The following RASA1 variants were observed in gnomAD, a reference collection of about 807,000 sequenced individuals.
The protein encoded by RASA1 is ras GTPase-activating protein 1.
A neutral mutation model predicts 132.2 loss-of-function variants in RASA1; 25 were observed. That is an observed-to-expected ratio of 0.19 (90% confidence interval 0.14 to 0.26). The LOEUF (loss-of-function observed/expected upper bound fraction) is 0.26. Ranked by LOEUF, RASA1 falls within the 10% of genes least tolerant of loss-of-function variation. The pLI is 1.00. For synonymous variants in RASA1, 477 were observed against 449.9 expected (o/e 1.06, Z -0.76); for missense variants, 964 against 1,299.2 (o/e 0.74, Z 3.97).
chr5:87,328,008 TAAAAA>T (rs1330676472), intron 1 of RASA1, among the ~76,000 whole-genome samples: 2 of 152,224 alleles, frequency 1.3e-5, no homozygotes, highest in African/African-American at 4.8e-5. Context: ...ATGTGGACGT[TAAAAA>T]AGAAAAGTTT....
At chr5:87,325,021 G>A (rs975374935) in intron 1 of RASA1, among the ~76,000 whole-genome samples, 1 of 151,882 alleles carries the variant, frequency 6.6e-6, no homozygotes, top group Non-Finnish European at 1.5e-5. Context: ...AGACAAACCC[G>A]AGATGGGGTC....
chr5:87,388,251 T>C (rs1290516103), intron 23 of RASA1, among the ~76,000 whole-genome samples: 1 of 152,212 alleles, frequency 6.6e-6, no homozygotes, highest in East Asian at 1.9e-4. Flanking sequence ...GTAACTGTGT[T>C]TCTCTGTCCC....
chr5:87,324,614 A>G (rs1456449993), intron 1 of RASA1, among the ~76,000 whole-genome samples: 1 of 152,190 alleles, frequency 6.6e-6, no homozygotes, highest in Admixed American at 6.6e-5. Context: ...ACTTTGAACT[A>G]ACTTGATCTG....
intron 1 of RASA1, among the ~76,000 whole-genome samples, chr5:87,287,606 C>CAT (rs1305724759): frequency 6.8e-6 from 1 of 146,784 alleles, no homozygotes; most frequent in East Asian, 2.0e-4. Context: ...ATATACACGC[C>CAT]ATATATATAC....
chr5:87,304,246 A>T (rs1299245224), intron 1 of RASA1, among the ~76,000 whole-genome samples: 3 of 152,184 alleles, frequency 2.0e-5, no homozygotes, highest in Non-Finnish European at 2.9e-5. Context: ...GTATTCTTAC[A>T]TTTAAGATAC....
chr5:87,382,905 G>C (rs1030536738), intron 20 of RASA1, among the ~76,000 whole-genome samples: 1 of 151,266 alleles, frequency 6.6e-6, no homozygotes, highest in Non-Finnish European at 1.5e-5. Context: ...ACCGTAGCGA[G>C]ACTCTGCTTT....
chr5:87,346,686 A>G lies in RASA1; in HGVS notation c.1064A>G (p.Lys355Arg), dbSNP rs557793809. ...CTCTTTTTAAGATGGTTCCATGGGA[A>G]GATTTCCAAACAGGAAGCTTATAAT... ...PHEGKIWFHG[K>R]ISKQEAYNLL... The change falls in exon 7 of 25, where the codon AAG becomes AGG. Residue 355 changes from lysine (K) to arginine (R), a missense_variant. Coordinates refer to ENST00000274376, the MANE Select transcript of RASA1 (RefSeq NM_002890.3). The G allele has an allele frequency of 1.3e-6, 2 of 1,553,888 alleles. No individual in the cohort carries two copies. Among genetic ancestry groups the G allele is most frequent in the South Asian group, 2.2e-5 (2 of 89,080 alleles).
At chr5:87,313,945 A>G (rs1236693220) in intron 1 of RASA1, among the ~76,000 whole-genome samples, 1 of 151,744 alleles carries the variant, frequency 6.6e-6, no homozygotes, top group Non-Finnish European at 1.5e-5. Context: ...AGGTGGGCGG[A>G]TCACCTGAGG....
intron 13 of RASA1, among the ~76,000 whole-genome samples, chr5:87,372,851 C>T (rs1184647305): frequency 1.3e-5 from 2 of 152,090 alleles, no homozygotes; most frequent in East Asian, 1.9e-4. Context: ...GTCTCCTGTT[C>T]TCTTTGTGCG....
At chr5:87,381,919 A>C (rs1761742904) in intron 20 of RASA1, among the ~76,000 whole-genome samples, 1 of 152,156 alleles carries the variant, frequency 6.6e-6, no homozygotes, top group Non-Finnish European at 1.5e-5. Flanking sequence ...AGTTTACAAG[A>C]TTCTTTAAAT....
chr5:87,286,374 T>C (rs1754566219), intron 1 of RASA1, among the ~76,000 whole-genome samples: 1 of 152,138 alleles, frequency 6.6e-6, no homozygotes, highest in African/African-American at 2.4e-5. Context: ...TACTGATCTC[T>C]TCCTCAGCCA....
At chr5:87,300,646 T>C (rs1001486155) in intron 1 of RASA1, among the ~76,000 whole-genome samples, 3 of 152,184 alleles carry the variant, frequency 2.0e-5, no homozygotes, top group Admixed American at 2.0e-4. Context: ...ATTTATAAGG[T>C]AATATCTACA....
At chr5:87,321,254 T>TACA (rs1756783263) in intron 1 of RASA1, among the ~76,000 whole-genome samples, 1 of 152,210 alleles carries the variant, frequency 6.6e-6, no homozygotes, top group Non-Finnish European at 1.5e-5. Flanking sequence ...CCTCTGCTCT[T>TACA]ACACCACAAC....
intron 1 of RASA1, among the ~76,000 whole-genome samples, chr5:87,281,894 C>T (rs377016428): frequency 2.0e-5 from 3 of 152,094 alleles, no homozygotes; most frequent in South Asian, 2.1e-4. Context: ...TGCCTATTTT[C>T]GAGTTGAGTT....
intron 13 of RASA1, among the ~76,000 whole-genome samples, chr5:87,372,448 CG>C: frequency 6.6e-6 from 1 of 152,110 alleles, no homozygotes; most frequent in African/African-American, 2.4e-5. Context: ...ACAGCAGAAA[CG>C]GTTCTGTTGG....
rs1762473707 is a variant in RASA1, at chr5:87,390,995, AGTGAT to A, written c.*116_*120del. 1 of 1,074,224 alleles carries A rather than the reference AGTGAT, an allele frequency of 9.3e-7. No individual in the cohort carries two copies. The highest frequency in any genetic ancestry group is 1.6e-5 in the African/African-American group (1 of 63,364). 66.5% of individuals were successfully genotyped at this position (1,074,224 alleles called of 1,614,324 possible). On this transcript the variant is annotated 3_prime_UTR_variant, in exon 25 of 25. Coordinates refer to ENST00000274376, the MANE Select transcript of RASA1 (RefSeq NM_002890.3). ...AAAATAGCACACTTTTCCACATTCC[AGTGAT>A]GTGTGAGCTATGCAAACAAAATCCA...
intron 1 of RASA1, chr5:87,331,019 A>AT: frequency 7.4e-7 from 1 of 1,352,772 alleles, no homozygotes; most frequent in Non-Finnish European, 9.7e-7. Context: ...TCTATCTTTT[A>AT]TTTTTCTAAG....
chr5:87,291,981 G>A lies in RASA1; in HGVS notation c.539+22991G>A, dbSNP rs1754928879. Among the ~76,000 whole-genome samples, 5 of 152,176 alleles carry A rather than the reference G, an allele frequency of 3.3e-5. No homozygotes were observed. In the South Asian group the frequency reaches 1.0e-3, roughly 32 times the overall value. ...GCCATCTTTATATCTTCTTTGGTGA[G>A]ATGTCTGTTCAGGTCTTTTGCCCAT... On this transcript the variant is annotated intron_variant, in intron 1 of 24. Transcript: ENST00000274376.
chr5:87,274,304 A>G (rs1753976154), intron 1 of RASA1, among the ~76,000 whole-genome samples: 1 of 152,228 alleles, frequency 6.6e-6, no homozygotes, highest in Non-Finnish European at 1.5e-5. Context: ...TCTTTTTTAA[A>G]AAAATCATTT....
Sources: allele counts gnomAD v4.1 joint callset (sites outside exome capture counted in the v4.1 genomes callset), GRCh38; gene constraint gnomAD v4.1.1; transcripts MANE v1.5; gene names NCBI Gene and HGNC (gene_info 2026-07-23, HGNC 2026-07-21).